ARID3B: variants seen among roughly 807,000 people sequenced by gnomAD.
The protein encoded by ARID3B is AT-rich interaction domain 3B.
In ARID3B, 10 loss-of-function variants were observed where a neutral mutation model predicts 51.9. The observed-to-expected ratio is 0.19, with a 90% CI of 0.12 to 0.33. The LOEUF is 0.33. ARID3B is among the 10% of genes least tolerant of loss of function. The pLI, the probability that ARID3B is intolerant of heterozygous loss-of-function variation, is 1.00. For missense variants in ARID3B, 483 were observed against 716.3 expected (o/e 0.67, Z 3.72); for synonymous variants, 205 against 279.5 (o/e 0.73, Z 2.66).
chr15:74,556,460 G>A (rs952371599), intron 2 of ARID3B, among the ~76,000 whole-genome samples: 1 of 152,154 alleles, frequency 6.6e-6, no homozygotes, highest in Admixed American at 6.5e-5. Flanking sequence ...GAAATACTAC[G>A]AGAATTACCA....
At chr15:74,590,690 C>G (rs1337182454) in intron 5 of ARID3B, among the ~76,000 whole-genome samples, 1 of 152,100 alleles carries the variant, frequency 6.6e-6, no homozygotes, top group South Asian at 2.1e-4. Flanking sequence ...TAGCTACAAC[C>G]AGAATGGCAA....
chr15:74,598,028 C>A lies in ARID3B; in HGVS notation c.*2254C>A, dbSNP rs1207922965. On this transcript the variant is annotated 3_prime_UTR_variant, in exon 9 of 9. Coordinates refer to ENST00000346246, the MANE Select transcript of ARID3B (RefSeq NM_006465.4). ...GGGTAGCCTAGGCAGTGAGTAAATA[C>A]CTCAGATGTCCTCCTGCAGCAAGTG... 1 of 530,570 alleles carries A rather than the reference C, an allele frequency of 1.9e-6. No homozygotes were observed. Among genetic ancestry groups the A allele is most frequent in the East Asian group, 4.0e-5 (1 of 25,000 alleles). 32.9% of individuals were successfully genotyped at this position (530,570 alleles called of 1,614,324 possible). A position where few individuals can be genotyped will look rare whatever the true frequency, so the allele number is the denominator to read the frequency against.
chr15:74,546,365 C>T (rs1194503904), intron 2 of ARID3B, among the ~76,000 whole-genome samples: 2 of 152,234 alleles, frequency 1.3e-5, no homozygotes, highest in African/African-American at 2.4e-5. Context: ...CTGGGCTGCC[C>T]CCGCCTTGGC....
chr15:74,552,298 T>C, intron 2 of ARID3B, among the ~76,000 whole-genome samples: 1 of 4,240 alleles, frequency 2.4e-4, no homozygotes, highest in African/African-American at 8.1e-4. Context: ...CCTGACCTCG[T>C]GATCCACCCG....
chr15:74,553,308 T>G (rs140284071), intron 2 of ARID3B, among the ~76,000 whole-genome samples: 18 of 152,372 alleles, frequency 1.2e-4, no homozygotes, highest in Middle Eastern at 3.4e-3. Context: ...TTCTTCAGTT[T>G]TACATGTACT....
intron 4 of ARID3B, among the ~76,000 whole-genome samples, chr15:74,585,059 TAA>T (rs1159961005): frequency 1.3e-5 from 2 of 152,168 alleles, no homozygotes; most frequent in Admixed American, 1.3e-4. Flanking sequence ...AGAGCATGAT[TAA>T]TTACCCTCAA....
rs534940457 is a variant in ARID3B at position 74,597,476 on chromosome 15, G to A, written c.*1702G>A. 7.6e-4 allele frequency: 397 copies of A among 525,808 alleles called. No individual in the cohort carries two copies. Among genetic ancestry groups the A allele is most frequent in the Admixed American group, 1.9e-3 (81 of 42,348 alleles). 32.6% of individuals were successfully genotyped at this position (525,808 alleles called of 1,614,324 possible). Reference sequence around the variant, plus strand: ...CTCTGCTCAACTGCGTCTTCTCTCAGCCCTCCACACACACTCACCCCCACT... The same window carrying A: ...CTCTGCTCAACTGCGTCTTCTCTCAACCCTCCACACACACTCACCCCCACT... On this transcript the variant is annotated 3_prime_UTR_variant, in exon 9 of 9. Coordinates refer to ENST00000346246, the MANE Select transcript of ARID3B (RefSeq NM_006465.4).
At chr15:74,543,141 T>G (rs2061600675) in intron 1 of ARID3B, among the ~76,000 whole-genome samples, 1 of 152,240 alleles carries the variant, frequency 6.6e-6, no homozygotes, top group African/African-American at 2.4e-5. Flanking sequence ...TGCTTTTGAG[T>G]GACGATTGCA....
At chr15:74,558,362 T>G (rs1424976556) in intron 2 of ARID3B, among the ~76,000 whole-genome samples, 1 of 152,142 alleles carries the variant, frequency 6.6e-6, no homozygotes, top group Non-Finnish European at 1.5e-5. Context: ...TGTCTTCAGC[T>G]CTATCTGTTC....
rs776102793 is a variant in ARID3B at position 74,555,714 on chromosome 15, T to C, written c.552+11226T>C. Among the ~76,000 whole-genome samples, 24 of 151,904 alleles carry C rather than the reference T, an allele frequency of 1.6e-4. No homozygotes were observed. The Middle Eastern group carries it at 0.021, about 130-fold the overall frequency. On this transcript the variant is annotated intron_variant, in intron 2 of 8. Transcript: ENST00000346246. Reference sequence around the variant, plus strand: ...AACAGTGAATCCTTTCCAGAAGGTTTCCAATTTGCTTTGCCCGGATCCATA... The same window carrying C: ...AACAGTGAATCCTTTCCAGAAGGTTCCCAATTTGCTTTGCCCGGATCCATA...
chr15:74,590,020 T>C lies in ARID3B; in HGVS notation c.881+17T>C, dbSNP rs1220931625. 1.3e-6 allele frequency: 2 copies of C among 1,586,178 alleles called. No homozygotes were observed. Among genetic ancestry groups the C allele is most frequent in the Non-Finnish European group, 1.7e-6 (2 of 1,162,838 alleles). On this transcript the variant is annotated intron_variant, in intron 5 of 8. Coordinates refer to ENST00000346246, the MANE Select transcript of ARID3B (RefSeq NM_006465.4). ...CAGGACGCAGTGAGTGGCCAGGGCC[T>C]GGGAGAAGGAAGCTGAGGCTGGAGA... is the stretch of plus-strand genomic sequence containing the variant.
chr15:74,587,093 G>C (rs1338153595), intron 4 of ARID3B, among the ~76,000 whole-genome samples: 1 of 152,214 alleles, frequency 6.6e-6, no homozygotes, highest in African/African-American at 2.4e-5. Context: ...GAGGAACATG[G>C]GTCATGCGAT....
intron 2 of ARID3B, among the ~76,000 whole-genome samples, chr15:74,547,841 C>T (rs992621269): frequency 6.6e-6 from 1 of 152,174 alleles, no homozygotes; most frequent in Non-Finnish European, 1.5e-5. Flanking sequence ...AAGTATTTTG[C>T]AAGATTTTGG....
At chr15:74,544,606 A>G (rs1213268901) in intron 2 of ARID3B, 118 bp downstream of exon 2, 3 of 934,768 alleles carry the variant, frequency 3.2e-6, no homozygotes, top group Middle Eastern at 2.3e-4. Context: ...TCGGTGACCA[A>G]CAGCCTAGAC....
intron 4 of ARID3B, among the ~76,000 whole-genome samples, chr15:74,585,611 T>A (rs1490098180): frequency 6.6e-6 from 1 of 152,238 alleles, no homozygotes; most frequent in East Asian, 1.9e-4. Context: ...TTGTTTTAAT[T>A]TTTTATTCAT....
At chr15:74,543,699 G>A (rs1178049384) in intron 1 of ARID3B, among the ~76,000 whole-genome samples, 161 bp from the exon 2 acceptor site, 3 of 151,864 alleles carry the variant, frequency 2.0e-5, no homozygotes, top group Non-Finnish European at 2.9e-5. Flanking sequence ...ACCCACCCAC[G>A]AAACCCCCAC....
chr15:74,549,058 T>C (rs1333274171), intron 2 of ARID3B, among the ~76,000 whole-genome samples: 2 of 152,034 alleles, frequency 1.3e-5, no homozygotes, highest in African/African-American at 4.8e-5. Context: ...TCCCTTGGGA[T>C]AGGCCTACTT....
chr15:74,558,101 G>A (rs889360463), intron 2 of ARID3B, among the ~76,000 whole-genome samples: 4 of 151,454 alleles, frequency 2.6e-5, no homozygotes, highest in Non-Finnish European at 5.9e-5. Context: ...GATTACAGGC[G>A]TGAGCCACGC....
rs145870403 is a variant in ARID3B at position 74,593,203 on chromosome 15, A to G, written c.1486A>G (p.Met496Val). 1.7e-5 allele frequency: 28 copies of G among 1,613,426 alleles called. No homozygotes were observed. Among genetic ancestry groups the G allele is most frequent in the Non-Finnish European group, 2.4e-5 (28 of 1,179,932 alleles). The change falls in exon 8 of 9, where the codon ATG (methionine) becomes GTG (valine). Residue 496 changes from methionine (M) to valine (V), a missense_variant. Coordinates refer to ENST00000346246, the MANE Select transcript of ARID3B (RefSeq NM_006465.4). ...LTTSSIGSIN[M>V]SVDIDGTTYA... ...CACGAGTAGCATTGGGAGCATTAAC[A>G]TGTCTGTGGACATCGATGGCACCAC...
Sources: allele counts gnomAD v4.1 joint callset (sites outside exome capture counted in the v4.1 genomes callset), GRCh38; gene constraint gnomAD v4.1.1; transcripts MANE v1.5; gene names NCBI Gene and HGNC (gene_info 2026-07-23, HGNC 2026-07-21).